The following RBFOX1 variants were observed in gnomAD, a reference collection of about 807,000 sequenced individuals.
RBFOX1 encodes RNA binding fox-1 homolog 1.
A neutral mutation model predicts 57.7 loss-of-function variants in RBFOX1; 8 were observed. That is an observed-to-expected ratio of 0.14 (90% confidence interval 0.08 to 0.25). The LOEUF (loss-of-function observed/expected upper bound fraction) is 0.25, where lower values mean the gene tolerates loss of function less well. Ranked by LOEUF, RBFOX1 falls within the 10% of genes least tolerant of loss-of-function variation. The probability of loss-of-function intolerance (pLI) is 1.00; values close to 1 mark genes in which losing one functional copy is unlikely to be tolerated. For synonymous variants in RBFOX1, 326 were observed against 222.4 expected, an observed-to-expected ratio of 1.47 and a Z score of -4.15; for missense variants, 611 against 548.5, an observed-to-expected ratio of 1.11 and a Z score of -1.14.
At chr16:7,020,946 G>A (rs573072382) in intron 3 of RBFOX1, among the ~76,000 whole-genome samples, 1 of 152,124 alleles carries the variant, frequency 6.6e-6, no homozygotes, top group Non-Finnish European at 1.5e-5. Flanking sequence ...GGCCAACATG[G>A]TGAAATCCTG....
chr16:6,597,668 A>C (rs2097790505), intron 2 of RBFOX1, among the ~76,000 whole-genome samples: 1 of 152,148 alleles, frequency 6.6e-6, no homozygotes, highest in South Asian at 2.1e-4. Flanking sequence ...GCAAGACTCC[A>C]TCTCAAAAAA....
chr16:6,219,342 G>T (rs1233031692), intron 1 of RBFOX1, among the ~76,000 whole-genome samples: 2 of 152,078 alleles, frequency 1.3e-5, no homozygotes, highest in Non-Finnish European at 2.9e-5. Context: ...GTTATCCTGC[G>T]GTCACCAGGG....
intron 4 of RBFOX1, among the ~76,000 whole-genome samples, chr16:7,238,947 C>A (rs1470132399): frequency 6.6e-6 from 1 of 152,160 alleles, no homozygotes; most frequent in African/African-American, 2.4e-5. Context: ...CCAGTTTCAT[C>A]CATGTTCCTG....
chr16:5,713,067 T>C (rs942555679), intron 3 of RBFOX1, among the ~76,000 whole-genome samples: 1 of 152,216 alleles, frequency 6.6e-6, no homozygotes, highest in African/African-American at 2.4e-5. Context: ...GTAGGGGATG[T>C]GCAGAAAGTT....
intron 4 of RBFOX1, among the ~76,000 whole-genome samples, chr16:5,964,115 A>G (rs1478307459): frequency 6.6e-6 from 1 of 152,226 alleles, no homozygotes; most frequent in Non-Finnish European, 1.5e-5. Flanking sequence ...ATATTTTTCC[A>G]AAGAAGACAC....
chr16:7,147,263 C>A (rs903545922), intron 4 of RBFOX1, among the ~76,000 whole-genome samples: 1 of 151,516 alleles, frequency 6.6e-6, no homozygotes, highest in Non-Finnish European at 1.5e-5. Flanking sequence ...CCTCAGCCTC[C>A]CAAAGTGCTG....
At chr16:6,725,517 C>T (rs1185166064) in intron 3 of RBFOX1, among the ~76,000 whole-genome samples, 1 of 151,986 alleles carries the variant, frequency 6.6e-6, no homozygotes, top group African/African-American at 2.4e-5. Context: ...TGGGAATTGC[C>T]CACCCCTTTC....
At chr16:5,846,884 C>G (rs780034165) in intron 3 of RBFOX1, among the ~76,000 whole-genome samples, 2 of 152,218 alleles carry the variant, frequency 1.3e-5, no homozygotes, top group Non-Finnish European at 2.9e-5. Flanking sequence ...ATTTTGCAAA[C>G]AGCCCAGCCA....
In RBFOX1 at chr16:6,476,566, A is replaced by G. The variant is rs903780985; in HGVS notation, c.-64+159509A>G. ...TAAAAAGACTTTATTGCTAAAATAAAAATGCCAACAATCATCTGAGCCTTT... is the reference window on the plus strand; with the variant it reads ...TAAAAAGACTTTATTGCTAAAATAAGAATGCCAACAATCATCTGAGCCTTT... On this transcript the variant is annotated intron_variant, in intron 2 of 15. Transcript: ENST00000550418. Among the ~76,000 whole-genome samples the G allele has an allele frequency of 5.9e-5, 9 of 152,224 alleles. No homozygotes were observed. In the South Asian group the frequency reaches 1.9e-3, roughly 32 times the overall value.
At chr16:7,399,737 A>G (rs921984946) in intron 4 of RBFOX1, among the ~76,000 whole-genome samples, 3 of 56,548 alleles carry the variant, frequency 5.3e-5, no homozygotes, top group African/African-American at 1.1e-4. Context: ...CCATATCAAG[A>G]TCTTTTAACT....
intron 1 of RBFOX1, among the ~76,000 whole-genome samples, chr16:6,214,311 G>C (rs1248990587): frequency 6.6e-6 from 1 of 151,898 alleles, no homozygotes. Context: ...AGGAGGGAGA[G>C]GGAGAAGGAG....
chr16:5,454,183 G>A (rs957368336), intron 1 of RBFOX1, among the ~76,000 whole-genome samples: 34 of 152,314 alleles, frequency 2.2e-4, no homozygotes, highest in African/African-American at 7.7e-4. Flanking sequence ...TGAGAGAACA[G>A]GCACTTCCAG....
intron 1 of RBFOX1, among the ~76,000 whole-genome samples, chr16:6,096,927 C>T (rs574240970): frequency 3.2e-4 from 48 of 152,276 alleles, no homozygotes; most frequent in Admixed American, 1.1e-3. Context: ...ATTTTAATGA[C>T]GGCTCACCCC....
chr16:7,177,786 G>A (rs544654885), intron 4 of RBFOX1, among the ~76,000 whole-genome samples: 2 of 152,166 alleles, frequency 1.3e-5, no homozygotes, highest in Admixed American at 6.5e-5. Flanking sequence ...CTCTTCTGTT[G>A]TAGCACAAAA....
intron 11 of RBFOX1, among the ~76,000 whole-genome samples, chr16:7,632,051 A>G (rs2061053037): frequency 1.3e-5 from 2 of 152,128 alleles, no homozygotes; most frequent in African/African-American, 4.8e-5. Context: ...CCGGGATTAT[A>G]GGTATGTACC....
chr16:5,804,326 C>G (rs1278800671), intron 3 of RBFOX1, among the ~76,000 whole-genome samples: 4 of 152,142 alleles, frequency 2.6e-5, no homozygotes, highest in Admixed American at 2.6e-4. Context: ...GATGGATGAA[C>G]AAATGAATGA....
At chr16:6,648,738 A>C (rs1248267090) in intron 2 of RBFOX1, among the ~76,000 whole-genome samples, 1 of 152,188 alleles carries the variant, frequency 6.6e-6, no homozygotes, top group Non-Finnish European at 1.5e-5. Context: ...AACAGGCAGA[A>C]GCAGACAGAG....
At chr16:6,589,677 A>C (rs1044023393) in intron 2 of RBFOX1, among the ~76,000 whole-genome samples, 3 of 152,220 alleles carry the variant, frequency 2.0e-5, no homozygotes, top group African/African-American at 7.2e-5. Flanking sequence ...CTCATTTGTT[A>C]GTCCTGCAAA....
chr16:7,352,150 C>T (rs967343808), intron 4 of RBFOX1, among the ~76,000 whole-genome samples: 3 of 152,172 alleles, frequency 2.0e-5, no homozygotes, highest in Non-Finnish European at 2.9e-5. Context: ...ACTAAAGGAT[C>T]TCTGCTCCAG....
Sources: allele counts gnomAD v4.1 joint callset (sites outside exome capture counted in the v4.1 genomes callset), GRCh38; gene constraint gnomAD v4.1.1; transcripts MANE v1.5; gene names NCBI Gene and HGNC (gene_info 2026-07-23, HGNC 2026-07-21).